The following PI4K2B variants were observed in gnomAD, a reference collection of about 807,000 sequenced individuals.
PI4K2B encodes phosphatidylinositol 4-kinase type 2-beta.
Under a neutral mutation model 56.6 loss-of-function variants are expected in PI4K2B, and 46 were observed. The observed-to-expected ratio is 0.81, with a 90% CI of 0.64 to 1.04. The LOEUF (loss-of-function observed/expected upper bound fraction) is 1.04. PI4K2B is among the 50% of genes least tolerant of loss of function. The probability of loss-of-function intolerance (pLI) is 0.00; values close to 1 mark genes in which losing one functional copy is unlikely to be tolerated. For missense variants in PI4K2B, 556 were observed against 607.7 expected (o/e 0.91, Z 0.89); for synonymous variants, 211 against 223.8 (o/e 0.94, Z 0.51).
In PI4K2B at chr4:25,278,146, TAC is replaced by T. The variant is rs1178454574; in HGVS notation, c.*961_*962del. ...TTGAAATTACAGATGTTATTATAAT[TAC>T]AGTCAAATGTAGACTATCAGGCCAA... On this transcript the variant is annotated 3_prime_UTR_variant, in exon 10 of 10. Coordinates refer to ENST00000264864, the MANE Select transcript of PI4K2B (RefSeq NM_018323.4). 5 of 152,212 alleles carry T rather than the reference TAC, an allele frequency of 3.3e-5. No individual in the cohort carries two copies. The highest frequency in any genetic ancestry group is 5.9e-5 in the Non-Finnish European group (4 of 68,028). 9.4% of individuals were successfully genotyped at this position (152,212 alleles called of 1,614,324 possible). A position where few individuals can be genotyped will look rare whatever the true frequency, so the allele number is the denominator to read the frequency against.
intron 1 of PI4K2B, among the ~76,000 whole-genome samples, chr4:25,238,064 A>G (rs1715342031): frequency 6.6e-6 from 1 of 152,226 alleles, no homozygotes. Flanking sequence ...TTAATGATTC[A>G]TGGTGGTTTA....
intron 1 of PI4K2B, among the ~76,000 whole-genome samples, chr4:25,243,919 C>T (rs1298224829): frequency 6.6e-6 from 1 of 152,140 alleles, no homozygotes. Flanking sequence ...GAATTTGTCC[C>T]TTTCTTCGGC....
intron 1 of PI4K2B, among the ~76,000 whole-genome samples, chr4:25,240,773 C>T (rs1246330896): frequency 6.6e-6 from 1 of 152,164 alleles, no homozygotes; most frequent in Non-Finnish European, 1.5e-5. Context: ...GTCTCTTCCT[C>T]TCTTTCTGAC....
chr4:25,239,692 C>T (rs1029876656), intron 1 of PI4K2B, among the ~76,000 whole-genome samples: 3 of 152,228 alleles, frequency 2.0e-5, no homozygotes, highest in South Asian at 2.1e-4. Flanking sequence ...AGTGCAGTGG[C>T]GGGCTGAAGG....
rs1717138857 is a variant in PI4K2B, at chr4:25,277,218, T to C, written c.*31T>C. The C allele has an allele frequency of 1.9e-6, 3 of 1,563,594 alleles. No individual in the cohort carries two copies. The highest frequency in any genetic ancestry group is 1.7e-5 in the Admixed American group (1 of 58,470). ...GTCAGAGTAAGAGAAACAAACTGTTTAGAATTATCATGTTTTTAAAACATC... is the reference window on the plus strand; with the variant it reads ...GTCAGAGTAAGAGAAACAAACTGTTCAGAATTATCATGTTTTTAAAACATC... On this transcript the variant is annotated 3_prime_UTR_variant, in exon 10 of 10. Transcript: ENST00000264864.
intron 1 of PI4K2B, among the ~76,000 whole-genome samples, chr4:25,239,389 G>T (rs542654754): frequency 2.0e-5 from 3 of 152,194 alleles, no homozygotes; most frequent in Non-Finnish European, 4.4e-5. Flanking sequence ...CCTGCCCTAC[G>T]GGGAGGCAGC....
intron 9 of PI4K2B, 143 bp from the exon 10 acceptor site, chr4:25,276,871 T>A (rs1391559019): frequency 7.4e-7 from 1 of 1,345,732 alleles, no homozygotes. Context: ...AATACATATT[T>A]ATAACAGGTA....
chr4:25,272,370 C>T (rs975305662), intron 9 of PI4K2B, among the ~76,000 whole-genome samples: 7 of 152,120 alleles, frequency 4.6e-5, no homozygotes, highest in Non-Finnish European at 7.4e-5. Context: ...GGTTATTATA[C>T]GTTGTCACTT....
Position 25,253,986 on chromosome 4 carries a change from G to C in PI4K2B, c.424-1079G>C, listed in dbSNP as rs1716161255. Among the ~76,000 whole-genome samples, 4 of 152,242 alleles carry C rather than the reference G, an allele frequency of 2.6e-5. No homozygotes were observed. In the South Asian group the frequency reaches 8.3e-4, roughly 32 times the overall value. On this transcript the variant is annotated intron_variant, in intron 2 of 9. Coordinates refer to ENST00000264864, the MANE Select transcript of PI4K2B (RefSeq NM_018323.4). Reference sequence around the variant, plus strand: ...GGGATTTCCCCATGTTGACCAGGCTGGTCTCCTGACCTCAAGTGATCTGCT... The same window carrying C: ...GGGATTTCCCCATGTTGACCAGGCTCGTCTCCTGACCTCAAGTGATCTGCT...
intron 9 of PI4K2B, among the ~76,000 whole-genome samples, chr4:25,270,635 C>T (rs1212973800): frequency 1.3e-5 from 2 of 152,076 alleles, no homozygotes; most frequent in African/African-American, 4.8e-5. Context: ...TGTGTGCCAC[C>T]GTGCCCAGCC....
intron 1 of PI4K2B, among the ~76,000 whole-genome samples, chr4:25,244,568 A>G (rs1024007509): frequency 6.6e-5 from 10 of 152,176 alleles, no homozygotes; most frequent in Non-Finnish European, 1.3e-4. Context: ...CATAGTGCAG[A>G]AAAAAATGAG....
intron 1 of PI4K2B, 89 bp downstream of exon 1, chr4:25,234,520 C>A (rs1009459545): frequency 2.1e-6 from 2 of 941,968 alleles, no homozygotes; most frequent in Admixed American, 4.4e-5. Context: ...GCGCGCTGGC[C>A]GAGGTGGACG....
chr4:25,257,220 A>G (rs313537), intron 4 of PI4K2B, among the ~76,000 whole-genome samples: 123,102 of 151,482 alleles, frequency 0.81, 50,388 homozygotes, highest in Non-Finnish European at 0.84. Flanking sequence ...ACCACACCTG[A>G]CTAATTAAAA....
chr4:25,275,739 C>T (rs1717069222), intron 9 of PI4K2B, among the ~76,000 whole-genome samples: 1 of 152,160 alleles, frequency 6.6e-6, no homozygotes, highest in Admixed American at 6.5e-5. Flanking sequence ...TAAACATAAC[C>T]TATAACACTG....
intron 1 of PI4K2B, among the ~76,000 whole-genome samples, chr4:25,235,448 T>C (rs938167546): frequency 5.9e-5 from 9 of 152,250 alleles, no homozygotes; most frequent in Non-Finnish European, 4.4e-5. Context: ...TTAAAGAATT[T>C]TGGATAGAAT....
chr4:25,257,560 A>T (rs900947234), intron 4 of PI4K2B, among the ~76,000 whole-genome samples: 1 of 152,190 alleles, frequency 6.6e-6, no homozygotes, highest in Non-Finnish European at 1.5e-5. Flanking sequence ...AACCTGAGGG[A>T]TGATGAGCAG....
Position 25,277,208 on chromosome 4 carries a change from A to G in PI4K2B, c.*21A>G, listed in dbSNP as rs780805899. ...GGTAGTAAATGTCAGAGTAAGAGAA[A>G]CAAACTGTTTAGAATTATCATGTTT... On this transcript the variant is annotated 3_prime_UTR_variant, in exon 10 of 10. Transcript: ENST00000264864. 232 of 1,596,476 alleles carry G rather than the reference A, an allele frequency of 1.5e-4. 4 individuals are homozygous for G. The South Asian group carries it at 2.0e-3, about 14-fold the overall frequency.
chr4:25,256,580 C>T lies in PI4K2B; in HGVS notation c.662C>T (p.Ala221Val), dbSNP rs372410115. 5.6e-6 allele frequency: 9 copies of T among 1,613,292 alleles called. No individual in the cohort carries two copies. The highest frequency in any genetic ancestry group is 4.0e-5 in the African/African-American group (3 of 74,798). Residue 221 changes from alanine (A) to valine (V), a missense_variant, in exon 4 of 10, where the codon GCG becomes GTG. Physicochemically the swap from Ala to Val is moderately conservative, Grantham distance 64. Transcript: ENST00000264864. ...WLVSETFNYN[A>V]IDRAKSRGKK... The stretch of plus-strand genomic sequence containing the variant: ...GTCAGTGAGACATTTAACTATAATG[C>T]GATTGACCGTGCAAAATCAAGAGGC...
chr4:25,240,796 T>C (rs949738682), intron 1 of PI4K2B, among the ~76,000 whole-genome samples: 3 of 152,232 alleles, frequency 2.0e-5, no homozygotes, highest in Non-Finnish European at 4.4e-5. Context: ...TCTGACTTTG[T>C]GTCTGTCCCT....
Sources: allele counts gnomAD v4.1 joint callset (sites outside exome capture counted in the v4.1 genomes callset), GRCh38; gene constraint gnomAD v4.1.1; transcripts MANE v1.5; gene names NCBI Gene and HGNC (gene_info 2026-07-23, HGNC 2026-07-21).